The following TRDN variants were observed in gnomAD, a reference collection of about 807,000 sequenced individuals.
TRDN encodes triadin, also known as triadin in skeletal muscle.
TRDN carries 161 observed loss-of-function variants against 149.7 expected under a neutral mutation model. The ratio of observed to expected loss-of-function variants is 1.08; its 90% CI spans 0.95 to 1.23. The LOEUF is 1.23. Among genes scored for constraint, TRDN ranks in the 50% most tolerant of loss-of-function variants. TRDN has a pLI of 0.00. For synonymous variants in TRDN, 294 were observed against 250.5 expected, an observed-to-expected ratio of 1.17 and a Z score of -1.64; for missense variants, 896 against 823.5, an observed-to-expected ratio of 1.09 and a Z score of -1.08.
At chr6:123,324,224 A>G (rs1779358322) in intron 23 of TRDN, among the ~76,000 whole-genome samples, 1 of 152,174 alleles carries the variant, frequency 6.6e-6, no homozygotes, top group South Asian at 2.1e-4. Context: ...TTAAGTAGAT[A>G]AAATGTCATA....
chr6:123,477,758 A>G (rs1777559667), intron 9 of TRDN, among the ~76,000 whole-genome samples: 2 of 152,142 alleles, frequency 1.3e-5, no homozygotes, highest in Admixed American at 1.3e-4. Flanking sequence ...TGTCCTTTGT[A>G]GGGACATGGA....
intron 1 of TRDN, among the ~76,000 whole-genome samples, chr6:123,628,409 A>G (rs1209792736): frequency 6.6e-6 from 1 of 152,130 alleles, no homozygotes; most frequent in Non-Finnish European, 1.5e-5. Context: ...ACCATCTTAT[A>G]TAGGGGCAGC....
At chr6:123,510,138 C>T (rs1779106649) in intron 7 of TRDN, 2 of 151,920 alleles carry the variant, frequency 1.3e-5, no homozygotes, top group South Asian at 4.1e-4. Flanking sequence ...AATAAAATTA[C>T]ATTTATTTAT....
intron 5 of TRDN, among the ~76,000 whole-genome samples, chr6:123,522,923 TCCC>T (rs563719631): frequency 3.9e-3 from 596 of 152,252 alleles, no homozygotes; most frequent in Middle Eastern, 0.034. Flanking sequence ...TGAGCCCATA[TCCC>T]TTTGTTCATG....
Position 123,273,360 on chromosome 6 carries a change from A to C in TRDN, c.1601T>G (p.Ile534Arg), listed in dbSNP as rs926868398. 2.8e-5 allele frequency: 28 copies of C among 1,001,006 alleles called. No homozygotes were observed. The highest frequency in any genetic ancestry group is 3.7e-5 in the Non-Finnish European group (27 of 739,382). 62.0% of individuals were successfully genotyped at this position (1,001,006 alleles called of 1,614,324 possible). The change falls in exon 28 of 41, where the codon ATA becomes AGA. Residue 534 changes from isoleucine to arginine, a missense_variant. Physicochemically the swap from Ile to Arg is moderately conservative, Grantham distance 97 (BLOSUM62 -3). Coordinates refer to ENST00000334268, the MANE Select transcript of TRDN (RefSeq NM_006073.4). ...PQIKKEAKPA[I>R]SEKVQIHKQD... ...ACTGTGTATTTGCACTTTTTCAGATATAGCTAAAATAAATAAATAACATAT... is the reference window on the plus strand; with the variant it reads ...ACTGTGTATTTGCACTTTTTCAGATCTAGCTAAAATAAATAAATAACATAT...
chr6:123,219,904 C>T (rs1376582626), intron 40 of TRDN, among the ~76,000 whole-genome samples: 1 of 151,804 alleles, frequency 6.6e-6, no homozygotes, highest in Non-Finnish European at 1.5e-5. Context: ...AAGGGCCCAT[C>T]AATGACAGGC....
chr6:123,304,979 A>G (rs576101864), intron 24 of TRDN, among the ~76,000 whole-genome samples: 1 of 152,300 alleles, frequency 6.6e-6, no homozygotes, highest in African/African-American at 2.4e-5. Context: ...CTTCTTATTT[A>G]ATTTCTCCAA....
At chr6:123,453,925 A>G (rs1304926171) in intron 10 of TRDN, among the ~76,000 whole-genome samples, 1 of 149,892 alleles carries the variant, frequency 6.7e-6, no homozygotes. Flanking sequence ...ATGTATATAT[A>G]TACATGATGG....
At chr6:123,351,052 A>AT (rs5879673) in intron 21 of TRDN, 746,635 of 984,220 alleles carry the variant, frequency 0.76, 286,112 homozygotes, top group East Asian at 0.92. Flanking sequence ...GGTGTTTTAT[A>AT]TCTAGTCAAT....
chr6:123,240,146 T>C (rs1775935607), intron 38 of TRDN, among the ~76,000 whole-genome samples: 1 of 151,958 alleles, frequency 6.6e-6, no homozygotes, highest in South Asian at 2.1e-4. Flanking sequence ...TTACTTCTGA[T>C]AGAAATCAAG....
intron 32 of TRDN, among the ~76,000 whole-genome samples, 188 bp from the exon 33 acceptor site, chr6:123,265,526 G>A (rs1465193109): frequency 6.6e-6 from 1 of 151,142 alleles, no homozygotes; most frequent in Non-Finnish European, 1.5e-5. Context: ...AGTTTCTCAT[G>A]GAGCAGTAAA....
chr6:123,499,614 GA>G (rs1209229686), intron 8 of TRDN, among the ~76,000 whole-genome samples: 2 of 145,958 alleles, frequency 1.4e-5, no homozygotes, highest in Admixed American at 1.4e-4. Flanking sequence ...TGAGGCAGGA[GA>G]ACTGCTTGAA....
intron 32 of TRDN, 25 bp downstream of exon 32, chr6:123,267,682 A>C: frequency 1.3e-6 from 2 of 1,518,580 alleles, no homozygotes; most frequent in Non-Finnish European, 1.8e-6. Context: ...ATAAGACAGA[A>C]TATAAACCAA....
At chr6:123,626,071 T>G (rs1785645900) in intron 1 of TRDN, among the ~76,000 whole-genome samples, 1 of 152,198 alleles carries the variant, frequency 6.6e-6, no homozygotes, top group African/African-American at 2.4e-5. Context: ...TGCTTTATCT[T>G]CTACTCTATG....
intron 1 of TRDN, among the ~76,000 whole-genome samples, chr6:123,580,291 G>A (rs751386953): frequency 2.0e-5 from 3 of 152,144 alleles, no homozygotes; most frequent in Admixed American, 1.3e-4. Flanking sequence ...GAATTTAAAG[G>A]TGAAAAGCAA....
intron 24 of TRDN, among the ~76,000 whole-genome samples, chr6:123,285,742 A>G (rs1462375115): frequency 1.3e-5 from 2 of 152,156 alleles, no homozygotes; most frequent in African/African-American, 4.8e-5. Context: ...TCAGCAGAGT[A>G]AACAGACAAC....
chr6:123,345,331 A>T (rs1329309243), intron 21 of TRDN, among the ~76,000 whole-genome samples: 1 of 151,756 alleles, frequency 6.6e-6, no homozygotes. Flanking sequence ...TTCTCCAGCA[A>T]ATTGTTTTTT....
intron 1 of TRDN, among the ~76,000 whole-genome samples, chr6:123,614,300 C>CAAAAAAAAAAAAAA (rs1199509406): frequency 2.0e-5 from 2 of 99,860 alleles, no homozygotes; most frequent in African/African-American, 3.9e-5. Flanking sequence ...AAAAAAAAAA[C>CAAAAAAAAAAAAAA]AAAAAAAAAA....
chr6:123,618,066 G>A (rs1412489490), intron 1 of TRDN, among the ~76,000 whole-genome samples: 1 of 152,056 alleles, frequency 6.6e-6, no homozygotes, highest in East Asian at 1.9e-4. Flanking sequence ...ATTCTCCTAT[G>A]CTAATTTTAT....
Sources: gnomAD v4.1 joint callset for allele counts (sites outside exome capture counted in the v4.1 genomes callset) on GRCh38, gnomAD v4.1.1 for gene constraint, MANE v1.5 for transcripts, NCBI Gene and HGNC (gene_info 2026-07-23, HGNC 2026-07-21) for gene names.